Variants in PPIL2 observed in about 807,000 individuals in gnomAD.
PPIL2 encodes the protein RING-type E3 ubiquitin-protein ligase PPIL2.
In PPIL2, 50 loss-of-function variants were observed where a neutral mutation model predicts 75.2. The ratio of observed to expected loss-of-function variants is 0.66; its 90% confidence interval spans 0.53 to 0.84. The LOEUF is 0.84. Ranked by LOEUF, PPIL2 falls within the 40% of genes least tolerant of loss-of-function variation. The pLI is 0.00. For synonymous variants in PPIL2, 245 were observed against 258.8 expected (o/e 0.95, Z 0.51); for missense variants, 590 against 685.0 (o/e 0.86, Z 1.55).
intron 15 of PPIL2, among the ~76,000 whole-genome samples, chr22:21,689,565 A>C (rs969765660): frequency 2.0e-5 from 3 of 152,140 alleles, no homozygotes; most frequent in African/African-American, 7.3e-5. Context: ...ACTTTAACAA[A>C]TTATCTTATA....
chr22:21,675,102 C>T lies in PPIL2; in HGVS notation c.282C>T (p.Ser94=). 6.2e-7 allele frequency: 1 copy of T among 1,613,354 alleles called. No homozygotes were observed. Among genetic ancestry groups the T allele is most frequent in the Non-Finnish European group, 8.5e-7 (1 of 1,179,370 alleles). Residue 94 remains serine, a synonymous_variant, in exon 6 of 20, where the codon TCC becomes TCT. Coordinates refer to ENST00000398831, the MANE Select transcript of PPIL2 (RefSeq NM_014337.4). ...DGRSLIKLNF[S]KNSEGKYHCP... is the part of the protein sequence containing the mutation. The stretch of plus-strand genomic sequence containing the variant: ...GGTCCCTGATCAAGCTGAACTTTTC[C>T]AAGAACAGTGAGGGTGAGTGGAACT...
At chr22:21,686,791 G>A in intron 11 of PPIL2, 101 bp from the exon 12 acceptor site, 2 of 1,239,478 alleles carry the variant, frequency 1.6e-6, no homozygotes, top group South Asian at 2.5e-5. Flanking sequence ...CCCCAGAGCT[G>A]GAGCCTAGTC....
chr22:21,696,209 C>G lies in PPIL2; in HGVS notation c.*719C>G. On this transcript the variant is annotated 3_prime_UTR_variant, in exon 20 of 20. Transcript: ENST00000398831. ...TGGACGGCAGCATTGAGTTTCCTGC[C>G]GTGCCCTGCCTGAGCTCTCAGGGCC... The G allele has an allele frequency of 1.0e-6, 1 of 1,003,514 alleles. No individual in the cohort carries two copies. The allele number at this position is 1,003,514 out of a possible 1,614,324, so 62.2% of individuals were successfully genotyped here. A position where few individuals can be genotyped will look rare whatever the true frequency, so the allele number is the denominator to read the frequency against.
intron 9 of PPIL2, among the ~76,000 whole-genome samples, chr22:21,684,454 C>CAAAAAAAA (rs1028354500): frequency 1.3e-4 from 6 of 47,540 alleles, no homozygotes; most frequent in Non-Finnish European, 1.8e-4. Context: ...TCCATCTCCA[C>CAAAAAAAA]AAAAAAAAAA....
At position 21,670,278 on chromosome 22, in the gene PPIL2, A is replaced by T. The variant is rs1243961217; in HGVS notation, c.83-288A>T. On this transcript the variant is annotated intron_variant, in intron 2 of 19. Coordinates refer to ENST00000398831, the MANE Select transcript of PPIL2 (RefSeq NM_014337.4). ...TCTCTATCAAGTTTATAAGGAATAA[A>T]AAGAATGATAATATTTTCAGCTGTC... The T allele has an allele frequency of 6.4e-6, 9 of 1,411,736 alleles. No individual in the cohort carries two copies. The African/African-American group carries it at 1.0e-4, about 16-fold the overall frequency. 87.5% of individuals were successfully genotyped at this position (1,411,736 alleles called of 1,614,324 possible).
intron 9 of PPIL2, among the ~76,000 whole-genome samples, chr22:21,684,454 C>CAAAAAA (rs1028354500): frequency 1.5e-4 from 7 of 47,520 alleles, no homozygotes; most frequent in African/African-American, 1.9e-4. Flanking sequence ...TCCATCTCCA[C>CAAAAAA]AAAAAAAAAA....
At chr22:21,676,179 G>A (rs1315140317) in intron 6 of PPIL2, among the ~76,000 whole-genome samples, 3 of 151,894 alleles carry the variant, frequency 2.0e-5, no homozygotes, top group Non-Finnish European at 4.4e-5. Flanking sequence ...CATTGACGTC[G>A]GTGGAGGACA....
At chr22:21,684,568 T>C (rs1393701815) in intron 9 of PPIL2, among the ~76,000 whole-genome samples, 185 bp from the exon 10 acceptor site, 1 of 151,732 alleles carries the variant, frequency 6.6e-6, no homozygotes, top group African/African-American at 2.4e-5. Flanking sequence ...CCTGAGACCC[T>C]TGTGAACTGC....
In PPIL2 at chr22:21,693,840, CTACCTGGACAAGAAGCA is replaced by C; in HGVS notation, c.1169_1185del (p.Leu390HisfsTer10). ...GCTTCATCACGTTTCGCTCCTGTGC[CTACCTGGACAAGAAGCA>C]TACCATCTTTGGACGGTAAGGGAAG... On this transcript the variant is annotated frameshift_variant, in exon 16 of 20. Coordinates refer to ENST00000398831, the MANE Select transcript of PPIL2 (RefSeq NM_014337.4). LOFTEE classifies it high-confidence loss of function. 6.5e-7 allele frequency: 1 copy of C among 1,547,932 alleles called. No homozygotes were observed. The highest frequency in any genetic ancestry group is 8.9e-7 in the Non-Finnish European group (1 of 1,119,810).
At position 21,686,811 on chromosome 22, in the gene PPIL2, G is replaced by A. The variant is rs574794243; in HGVS notation, c.791-81G>A. On this transcript the variant is annotated intron_variant, in intron 11 of 19. Transcript: ENST00000398831. ...GAGCTGGAGCCTAGTCCCCGCCTGT[G>A]TGTCTGAGGTCGGTGCTGCCTGGCA... The A allele has an allele frequency of 2.9e-6, 4 of 1,361,568 alleles. No homozygotes were observed. The African/African-American group carries it at 4.3e-5, about 15-fold the overall frequency. 84.3% of individuals were successfully genotyped at this position (1,361,568 alleles called of 1,614,324 possible).
At chr22:21,682,985 C>T (rs1043792301) in intron 8 of PPIL2, among the ~76,000 whole-genome samples, 197 bp from the exon 9 acceptor site, 6 of 152,294 alleles carry the variant, frequency 3.9e-5, no homozygotes, top group Middle Eastern at 3.4e-3. Context: ...GCTGCGTCCC[C>T]GTCCCTGCCC....
intron 6 of PPIL2, among the ~76,000 whole-genome samples, chr22:21,675,989 CTT>C (rs2030330731): frequency 6.6e-6 from 1 of 152,238 alleles, no homozygotes; most frequent in Admixed American, 6.5e-5. Context: ...TAGTCCAGGT[CTT>C]TTGCCTGTGG....
Position 21,696,221 on chromosome 22 carries a change from G to A in PPIL2, c.*731G>A, listed in dbSNP as rs1027603924. The A allele has an allele frequency of 1.0e-6, 1 of 1,004,674 alleles. No individual in the cohort carries two copies. Among genetic ancestry groups the A allele is most frequent in the African/African-American group, 1.7e-5 (1 of 57,448 alleles). 62.2% of individuals were successfully genotyped at this position (1,004,674 alleles called of 1,614,324 possible). On this transcript the variant is annotated 3_prime_UTR_variant, in exon 20 of 20. Transcript: ENST00000398831. ...TTGAGTTTCCTGCCGTGCCCTGCCT[G>A]AGCTCTCAGGGCCCTGCTCACCTGC...
intron 9 of PPIL2, among the ~76,000 whole-genome samples, chr22:21,684,474 AAG>A (rs1555897436): frequency 1.3e-5 from 2 of 148,212 alleles, no homozygotes; most frequent in African/African-American, 5.1e-5. Flanking sequence ...AAAAAAAAAA[AAG>A]AAAAAAAAAG....
intron 15 of PPIL2, among the ~76,000 whole-genome samples, chr22:21,690,957 C>CTTTTTTTTTT (rs34639269): frequency 4.6e-5 from 3 of 64,696 alleles, no homozygotes; most frequent in African/African-American, 6.1e-5. Context: ...GCCACCTTCT[C>CTTTTTTTTTT]TTTTTTTTTT....
intron 6 of PPIL2, among the ~76,000 whole-genome samples, chr22:21,677,075 C>T (rs1201127764): frequency 2.7e-5 from 4 of 150,834 alleles, no homozygotes; most frequent in East Asian, 2.0e-4. Flanking sequence ...CGGGCGGAGA[C>T]GCTCCTCACT....
intron 11 of PPIL2, 58 bp from the exon 12 acceptor site, chr22:21,686,834 G>C (rs1317858013): frequency 6.6e-7 from 1 of 1,522,682 alleles, no homozygotes; most frequent in Non-Finnish European, 9.1e-7. Context: ...GTGCTGCCTG[G>C]CATGGTGGGG....
Position 21,688,214 on chromosome 22 carries a change from C to T in PPIL2, c.1021+108C>T, listed in dbSNP as rs1601578806. ...CAGCTCAGACATGGAATCTGCTAGA[C>T]CAGGGTGGAACGACTGGCAGCCATC... On this transcript the variant is annotated intron_variant, in intron 14 of 19. Coordinates refer to ENST00000398831, the MANE Select transcript of PPIL2 (RefSeq NM_014337.4). 4.9e-6 allele frequency: 7 copies of T among 1,420,196 alleles called. No homozygotes were observed. In the East Asian group the frequency reaches 1.6e-4, roughly 33 times the overall value. The allele number at this position is 1,420,196 out of a possible 1,614,324, so 88.0% of individuals were successfully genotyped here. A position where few individuals can be genotyped will look rare whatever the true frequency, so the allele number is the denominator to read the frequency against.
At chr22:21,670,141 T>G in intron 2 of PPIL2, 179 bp downstream of exon 2, 3 of 869,094 alleles carry the variant, frequency 3.5e-6, no homozygotes, top group Non-Finnish European at 5.2e-6. Context: ...CTGCTTCATC[T>G]TAGTGGTGAT....
Sources: gnomAD v4.1 joint callset for allele counts (sites outside exome capture counted in the v4.1 genomes callset) on GRCh38, gnomAD v4.1.1 for gene constraint, MANE v1.5 for transcripts, NCBI Gene and HGNC (gene_info 2026-07-23, HGNC 2026-07-21) for gene names.